SLC22A3: variants seen among roughly 807,000 people sequenced by gnomAD.
SLC22A3 encodes EMT organic cation transporter 3.
Under a neutral mutation model 59.1 loss-of-function variants are expected in SLC22A3, and 51 were observed. The observed-to-expected ratio is 0.86, with a 90% CI of 0.69 to 1.09. The LOEUF is 1.09. SLC22A3 is among the 50% of genes least tolerant of loss of function. The pLI, the probability that SLC22A3 is intolerant of heterozygous loss-of-function variation, is 0.00. For synonymous variants in SLC22A3, 325 were observed against 292.0 expected (o/e 1.11, Z -1.15); for missense variants, 711 against 726.3 (o/e 0.98, Z 0.24).
At chr6:160,448,873 G>C (rs528490919) in intron 10 of SLC22A3, among the ~76,000 whole-genome samples, 25 of 152,132 alleles carry the variant, frequency 1.6e-4, no homozygotes, top group African/African-American at 5.8e-4. Context: ...ATTAGAACAC[G>C]TAGTCTTGTG....
intron 10 of SLC22A3, among the ~76,000 whole-genome samples, chr6:160,449,036 C>A (rs1340325701): frequency 6.6e-6 from 1 of 152,108 alleles, no homozygotes; most frequent in Non-Finnish European, 1.5e-5. Flanking sequence ...TGATTCTATT[C>A]CACTGACTGC....
At chr6:160,449,103 A>T (rs1320434942) in intron 10 of SLC22A3, among the ~76,000 whole-genome samples, 1 of 152,216 alleles carries the variant, frequency 6.6e-6, no homozygotes, top group African/African-American at 2.4e-5. Flanking sequence ...ACCAATCAGG[A>T]TCAGATTTGC....
At chr6:160,400,084 ATTTTTTTTTTTTTTT>A (rs760874011) in intron 2 of SLC22A3, among the ~76,000 whole-genome samples, 2 of 95,410 alleles carry the variant, frequency 2.1e-5, no homozygotes, top group Non-Finnish European at 2.0e-5. Flanking sequence ...AGCTTTTGTG[ATTTTTTTTTTTTTTT>A]TTTTTTTTTT....
chr6:160,450,932 C>T, intron 10 of SLC22A3, 64 bp from the exon 11 acceptor site: 1 of 1,435,330 alleles, frequency 7.0e-7, no homozygotes, highest in Non-Finnish European at 9.6e-7. Context: ...TAAATAATAA[C>T]AGAACACCCT....
Position 160,348,788 on chromosome 6 carries a change from C to G in SLC22A3, c.369C>G (p.Pro123=), listed in dbSNP as rs1294894149. The G allele has an allele frequency of 6.4e-7, 1 of 1,572,310 alleles. No homozygotes were observed. The highest frequency in any genetic ancestry group is 8.6e-7 in the Non-Finnish European group (1 of 1,166,946). Residue 123 remains proline (P), a synonymous_variant, in exon 1 of 11, where the codon CCC becomes CCG. Coordinates refer to ENST00000275300, the MANE Select transcript of SLC22A3 (RefSeq NM_021977.4). ...PLAAFPNRSA[P]LVPCRGGWRY... ...CCGCCTTCCCCAACCGCTCGGCTCC[C>G]CTTGTGCCGTGCCGCGGCGGCTGGC...
chr6:160,432,920 C>T (rs572983829), intron 5 of SLC22A3, among the ~76,000 whole-genome samples: 1 of 152,322 alleles, frequency 6.6e-6, no homozygotes, highest in African/African-American at 2.4e-5. Context: ...ACCTCAACTT[C>T]TTTCTCTCTG....
chr6:160,412,431 T>C (rs1412572758), intron 5 of SLC22A3, among the ~76,000 whole-genome samples: 1 of 152,156 alleles, frequency 6.6e-6, no homozygotes, highest in Admixed American at 6.6e-5. Context: ...CATGTATATT[T>C]GGATTTCTGC....
chr6:160,352,091 C>T (rs1369902914), intron 1 of SLC22A3, among the ~76,000 whole-genome samples: 1 of 152,210 alleles, frequency 6.6e-6, no homozygotes, highest in Non-Finnish European at 1.5e-5. Context: ...GCCAGACTGG[C>T]AGATGGGGAG....
At position 160,436,991 on chromosome 6, in the gene SLC22A3, C is replaced by T; in HGVS notation, c.1074-6C>T. On this transcript the variant is annotated splice_region_variant and splice_polypyrimidine_tract_variant and intron_variant, in intron 6 of 10. Transcript: ENST00000275300. ...TGTTCTCTGGTGTCTTTCAATGTTG[C>T]TACAGGTTCACAAGCGCAGTGGTGT... 6.2e-7 allele frequency: 1 copy of T among 1,614,100 alleles called. No individual in the cohort carries two copies. The highest frequency in any genetic ancestry group is 8.5e-7 in the Non-Finnish European group (1 of 1,179,972).
intron 1 of SLC22A3, among the ~76,000 whole-genome samples, chr6:160,365,166 T>C (rs1342133156): frequency 6.6e-6 from 1 of 152,230 alleles, no homozygotes; most frequent in Non-Finnish European, 1.5e-5. Context: ...CAAGACATTA[T>C]AGCTAGATAC....
intron 1 of SLC22A3, among the ~76,000 whole-genome samples, chr6:160,376,344 C>T (rs1229538556): frequency 2.3e-5 from 3 of 131,944 alleles, no homozygotes; most frequent in East Asian, 2.5e-4. Flanking sequence ...GCCTGGTTGG[C>T]GTGGGGGCAG....
In SLC22A3 at chr6:160,452,458, T is replaced by C. The variant is rs1294426481; in HGVS notation, c.*1402T>C. On this transcript the variant is annotated 3_prime_UTR_variant, in exon 11 of 11. Coordinates refer to ENST00000275300, the MANE Select transcript of SLC22A3 (RefSeq NM_021977.4). ...GACTACATTCACCCTTTATTCACAG[T>C]CACTTGCAGTTTTGCTTTTCTCTGC... 3.3e-5 allele frequency: 5 copies of C among 152,240 alleles called. No individual in the cohort carries two copies. The highest frequency in any genetic ancestry group is 5.9e-5 in the Non-Finnish European group (4 of 68,038). The allele number at this position is 152,240 out of a possible 1,614,324, so 9.4% of individuals were successfully genotyped here.
chr6:160,408,657 C>A, intron 3 of SLC22A3, 96 bp from the exon 4 acceptor site: 2 of 1,208,484 alleles, frequency 1.7e-6, no homozygotes, highest in Non-Finnish European at 2.4e-6. Context: ...TCTAGCAATG[C>A]TGATGGATGT....
chr6:160,431,749 C>A (rs755694940), intron 5 of SLC22A3, among the ~76,000 whole-genome samples: 8 of 152,038 alleles, frequency 5.3e-5, no homozygotes, highest in Non-Finnish European at 7.4e-5. Context: ...AAAAAATTGC[C>A]TAAAATATTC....
intron 5 of SLC22A3, chr6:160,426,023 T>A (rs974607642): frequency 1.0e-5 from 10 of 985,286 alleles, no homozygotes; most frequent in Non-Finnish European, 1.2e-5. Context: ...GACGTACCAG[T>A]GAACAATGAG....
chr6:160,400,084 ATTTTTTTT>A lies in SLC22A3; in HGVS notation c.533+2021_533+2028del, dbSNP rs760874011. Among the ~76,000 whole-genome samples the A allele has an allele frequency of 7.1e-3, 674 of 95,444 alleles. 9 individuals carry two copies. Among genetic ancestry groups the A allele is most frequent in the African/African-American group, 0.026 (629 of 24,500 alleles). The allele number at this position is 95,444 out of a possible 152,430, so 62.6% of individuals were successfully genotyped here. On this transcript the variant is annotated intron_variant, in intron 2 of 10. Transcript: ENST00000275300. ...TCAAAGGAGGGCCCAAGCTTTTGTG[ATTTTTTTT>A]TTTTTTTTTTTTTTTTTTGCCACCT...
rs1283396 is a variant in SLC22A3 at position 160,423,543 on chromosome 6, G to A, written c.975+12697G>A. Among the ~76,000 whole-genome samples the A allele has an allele frequency of 2.6e-3, 398 of 152,252 alleles. 13 individuals are homozygous for A. In the East Asian group the frequency reaches 0.064, roughly 24 times the overall value. On this transcript the variant is annotated intron_variant, in intron 5 of 10. Transcript: ENST00000275300. ...ATTGCCATTCTAACTGGTGTGAGAT[G>A]GTATCTCATTATGGTTTTGATTTTC...
intron 7 of SLC22A3, among the ~76,000 whole-genome samples, chr6:160,437,921 T>C (rs1367685109): frequency 2.0e-5 from 3 of 152,126 alleles, no homozygotes; most frequent in South Asian, 2.1e-4. Context: ...TTCATTGCTG[T>C]GACTGGAATC....
intron 7 of SLC22A3, among the ~76,000 whole-genome samples, chr6:160,440,194 A>G (rs1321383906): frequency 6.6e-6 from 1 of 152,222 alleles, no homozygotes; most frequent in African/African-American, 2.4e-5. Flanking sequence ...ACCTTTCTTT[A>G]TCCATACCTG....
Sources: allele counts gnomAD v4.1 joint callset (sites outside exome capture counted in the v4.1 genomes callset), GRCh38; gene constraint gnomAD v4.1.1; transcripts MANE v1.5; gene names NCBI Gene and HGNC (gene_info 2026-07-23, HGNC 2026-07-21).